TMEM132D: variants seen among roughly 807,000 people sequenced by gnomAD.
The protein encoded by TMEM132D is transmembrane protein 132D, also known as mature OL transmembrane protein.
Under a neutral mutation model 62.3 loss-of-function variants are expected in TMEM132D, and 21 were observed. The observed-to-expected ratio is 0.34, with a 90% CI of 0.24 to 0.49. The LOEUF is 0.49. TMEM132D is among the 20% of genes least tolerant of loss of function. TMEM132D has a pLI of 0.99. For missense variants in TMEM132D, 1,346 were observed against 1,402.8 expected (o/e 0.96, Z 0.65); for synonymous variants, 621 against 575.6 (o/e 1.08, Z -1.13).
At chr12:129,811,270 G>A (rs1309785679) in intron 1 of TMEM132D, among the ~76,000 whole-genome samples, 5 of 151,366 alleles carry the variant, frequency 3.3e-5, no homozygotes, top group Admixed American at 3.3e-4. Flanking sequence ...CTTAGTGAGT[G>A]TCAGGGATGG....
At chr12:129,578,401 T>C (rs1184696241) in intron 2 of TMEM132D, among the ~76,000 whole-genome samples, 1 of 139,842 alleles carries the variant, frequency 7.2e-6, no homozygotes, top group African/African-American at 2.6e-5. Flanking sequence ...CGCTGAGTAA[T>C]ACAATTATGT....
At chr12:129,466,685 G>A (rs1433457569) in intron 3 of TMEM132D, among the ~76,000 whole-genome samples, 2 of 152,052 alleles carry the variant, frequency 1.3e-5, no homozygotes, top group African/African-American at 2.4e-5. Flanking sequence ...GCTCCAAGAG[G>A]GAACAGCACA....
intron 5 of TMEM132D, among the ~76,000 whole-genome samples, chr12:129,166,397 A>G (rs12823882): frequency 0.11 from 4,554 of 41,838 alleles, 80 homozygotes; most frequent in East Asian, 0.23. Flanking sequence ...CGTATGTTTC[A>G]TCTCCGGCTA....
chr12:129,715,583 C>CACCTGTACAGGGTGGGATCA, intron 1 of TMEM132D, among the ~76,000 whole-genome samples: 1 of 152,172 alleles, frequency 6.6e-6, no homozygotes, highest in East Asian at 1.9e-4. Context: ...AGGGATAACC[C>CACCTGTACAGGGTGGGATCA]ACCTGTACAG....
intron 5 of TMEM132D, among the ~76,000 whole-genome samples, chr12:129,168,402 C>T (rs1045670864): frequency 5.3e-5 from 8 of 152,256 alleles, no homozygotes; most frequent in African/African-American, 1.9e-4. Context: ...CCAAAAGAAT[C>T]CCCATACCCA....
intron 3 of TMEM132D, among the ~76,000 whole-genome samples, chr12:129,391,959 GTTGGCCAGGCTGGTC>G (rs1368127590): frequency 6.6e-6 from 1 of 151,968 alleles, no homozygotes; most frequent in Non-Finnish European, 1.5e-5. Flanking sequence ...GTTTCACCAT[GTTGGCCAGGCTGGTC>G]TCGAACTCCT....
At chr12:129,404,101 G>T (rs528778029) in intron 3 of TMEM132D, among the ~76,000 whole-genome samples, 2 of 152,318 alleles carry the variant, frequency 1.3e-5, no homozygotes, top group South Asian at 2.1e-4. Flanking sequence ...TGGGGATGCA[G>T]TTGGAGGTTT....
chr12:129,432,748 A>G (rs1872695700), intron 3 of TMEM132D, among the ~76,000 whole-genome samples: 1 of 152,240 alleles, frequency 6.6e-6, no homozygotes, highest in African/African-American at 2.4e-5. Flanking sequence ...CTATGTGGGC[A>G]AATTAAGGAG....
At chr12:129,639,540 G>C (rs1879588304) in intron 2 of TMEM132D, among the ~76,000 whole-genome samples, 1 of 151,848 alleles carries the variant, frequency 6.6e-6, no homozygotes. Context: ...GTCCAGCTAA[G>C]TGTCCCCAGT....
At chr12:129,747,283 T>C (rs948923690) in intron 1 of TMEM132D, among the ~76,000 whole-genome samples, 3 of 64,788 alleles carry the variant, frequency 4.6e-5, no homozygotes, top group African/African-American at 1.4e-4. Context: ...GACCTTTCCA[T>C]CCGCCTCAAG....
At chr12:129,720,873 C>A (rs11060509) in intron 1 of TMEM132D, among the ~76,000 whole-genome samples, 1 of 152,132 alleles carries the variant, frequency 6.6e-6, no homozygotes, top group Non-Finnish European at 1.5e-5. Flanking sequence ...ACTGAGTGGC[C>A]TCCCAGCCTG....
At chr12:129,695,438 C>G (rs1881182297) in intron 2 of TMEM132D, among the ~76,000 whole-genome samples, 1 of 152,166 alleles carries the variant, frequency 6.6e-6, no homozygotes, top group Non-Finnish European at 1.5e-5. Flanking sequence ...AAATTAAAAG[C>G]CTGTCCGCCT....
chr12:129,391,983 C>T (rs1871302042), intron 3 of TMEM132D, among the ~76,000 whole-genome samples: 1 of 152,164 alleles, frequency 6.6e-6, no homozygotes, highest in Non-Finnish European at 1.5e-5. Flanking sequence ...TCTCGAACTC[C>T]TGACCTCAGG....
chr12:129,474,379 A>G (rs566355394), intron 3 of TMEM132D, among the ~76,000 whole-genome samples: 1 of 152,346 alleles, frequency 6.6e-6, no homozygotes, highest in South Asian at 2.1e-4. Flanking sequence ...AACTGGGTGA[A>G]GTCATTGTAA....
intron 4 of TMEM132D, among the ~76,000 whole-genome samples, chr12:129,236,094 T>C (rs1442882352): frequency 1.3e-5 from 2 of 149,298 alleles, no homozygotes; most frequent in African/African-American, 2.5e-5. Flanking sequence ...AATTTTATTA[T>C]GATGCTATTT....
rs375868329 is a variant in TMEM132D at position 129,636,737 on chromosome 12, T to TGTGTGA, written c.968+63072_968+63073insTCACAC. Among the ~76,000 whole-genome samples, 690 of 113,610 alleles carry TGTGTGA rather than the reference T, an allele frequency of 6.1e-3. 1 individual carries two copies. The highest frequency in any genetic ancestry group is 0.011 in the South Asian group (28 of 2,606). 74.5% of individuals were successfully genotyped at this position (113,610 alleles called of 152,430 possible). ...GTGTGTGTGTGTGTGTGTGTGTGTGTGAGAGAGAGAGAGAGAGAGACAGAG... is the reference window on the plus strand; with the variant it reads ...GTGTGTGTGTGTGTGTGTGTGTGTGTGTGTGAGAGAGAGAGAGAGAGAGAGACAGAG... On this transcript the variant is annotated intron_variant, in intron 2 of 8. Coordinates refer to ENST00000422113, the MANE Select transcript of TMEM132D (RefSeq NM_133448.3).
In TMEM132D at chr12:129,209,804, C is replaced by T. The variant is rs557882306; in HGVS notation, c.1300-141G>A. 4 of 1,167,144 alleles carry T rather than the reference C, an allele frequency of 3.4e-6. No homozygotes were observed. The South Asian group carries it at 6.0e-5, about 18-fold the overall frequency. 72.3% of individuals were successfully genotyped at this position (1,167,144 alleles called of 1,614,324 possible). ...GGCTCAGAAATCCTGGCAGTCCGCA[C>T]CAGCTGGCTGACCGTGGCAGCCATG... On this transcript the variant is annotated intron_variant, in intron 4 of 8. Coordinates refer to ENST00000422113, the MANE Select transcript of TMEM132D (RefSeq NM_133448.3).
intron 1 of TMEM132D, 42 bp from the exon 2 acceptor site, chr12:129,700,740 G>A (rs1257255238): frequency 6.5e-7 from 1 of 1,540,164 alleles, no homozygotes; most frequent in African/African-American, 1.4e-5. Context: ...GTAATGCTAA[G>A]GTCCTGTTAC....
chr12:129,664,635 C>T (rs945061262), intron 2 of TMEM132D, among the ~76,000 whole-genome samples: 3 of 151,968 alleles, frequency 2.0e-5, no homozygotes, highest in Non-Finnish European at 4.4e-5. Context: ...CCGTGTTAGC[C>T]AGGATGGTCT....
Sources: gnomAD v4.1 joint callset for allele counts (sites outside exome capture counted in the v4.1 genomes callset) on GRCh38, gnomAD v4.1.1 for gene constraint, MANE v1.5 for transcripts, NCBI Gene and HGNC (gene_info 2026-07-23, HGNC 2026-07-21) for gene names.